COL6A3: variants seen among roughly 807,000 people sequenced by gnomAD.
COL6A3 encodes collagen type VI alpha 3 chain.
A neutral mutation model predicts 274.1 loss-of-function variants in COL6A3; 137 were observed. The ratio of observed to expected loss-of-function variants is 0.50; its 90% confidence interval spans 0.44 to 0.58. The LOEUF (loss-of-function observed/expected upper bound fraction) is 0.58, where lower values mean the gene tolerates loss of function less well. Among genes scored for constraint, COL6A3 ranks in the 20% least tolerant of loss-of-function variants. The pLI is 0.00. For synonymous variants in COL6A3, 1,650 were observed against 1,650.6 expected (o/e 1.00, Z 0.01); for missense variants, 3,950 against 4,124.9 (o/e 0.96, Z 1.16).
At chr2:237,360,214 C>T (rs368305635) in intron 16 of COL6A3, 55 bp from the exon 17 acceptor site, 10 of 1,560,408 alleles carry the variant, frequency 6.4e-6, no homozygotes, top group Non-Finnish European at 8.8e-6. Flanking sequence ...CACCCTTTCT[C>T]TGCCGGGCTT....
chr2:237,338,888 A>G (rs1700682579), intron 39 of COL6A3, 127 bp downstream of exon 39: 1 of 725,518 alleles, frequency 1.4e-6, no homozygotes, highest in Non-Finnish European at 2.4e-6. Context: ...CATGACCCAC[A>G]TTACCTTTGG....
chr2:237,359,117 C>T (rs561455193), intron 19 of COL6A3, 29 bp from the exon 20 acceptor site: 6 of 1,614,020 alleles, frequency 3.7e-6, no homozygotes, highest in African/African-American at 1.3e-5. Context: ...AAAGGTCACA[C>T]CTGCTGCAAT....
At chr2:237,388,302 C>T (rs1156527307) in intron 3 of COL6A3, 118 bp from the exon 4 acceptor site, 15 of 1,259,964 alleles carry the variant, frequency 1.2e-5, no homozygotes, top group Middle Eastern at 2.6e-4. Flanking sequence ...TATGGGCAAA[C>T]AAAACACATG....
chr2:237,362,240 C>A (rs2077453561), intron 14 of COL6A3, among the ~76,000 whole-genome samples: 1 of 152,192 alleles, frequency 6.6e-6, no homozygotes, highest in Admixed American at 6.5e-5. Flanking sequence ...GAACAGATAT[C>A]CATGACCACC....
intron 26 of COL6A3, 41 bp from the exon 27 acceptor site, chr2:237,351,233 C>T (rs375149590): frequency 2.5e-6 from 4 of 1,598,822 alleles, no homozygotes; most frequent in Non-Finnish European, 3.4e-6. Flanking sequence ...AAGTGGCCAA[C>T]CGTCCAGGCA....
chr2:237,345,148 G>A, intron 33 of COL6A3, 33 bp downstream of exon 33: 2 of 1,614,028 alleles, frequency 1.2e-6, no homozygotes, highest in Non-Finnish European at 1.7e-6. Flanking sequence ...GGCTCATGAG[G>A]TTAATGAGTC....
chr2:237,346,678 C>A (rs1005099993), intron 31 of COL6A3, 113 bp from the exon 32 acceptor site: 34 of 916,882 alleles, frequency 3.7e-5, no homozygotes, highest in Non-Finnish European at 5.2e-5. Flanking sequence ...TCCATCACCA[C>A]GAAAAATCTC....
chr2:237,355,937 A>G (rs1472912040), intron 23 of COL6A3, among the ~76,000 whole-genome samples: 1 of 152,192 alleles, frequency 6.6e-6, no homozygotes, highest in Non-Finnish European at 1.5e-5. Context: ...TCAGTGATAC[A>G]TTGCTCAGGC....
chr2:237,366,597 A>C, intron 11 of COL6A3, 90 bp downstream of exon 11: 1 of 1,597,358 alleles, frequency 6.3e-7, no homozygotes, highest in Admixed American at 1.7e-5. Flanking sequence ...ATGCCTAAGG[A>C]CTCCAGAGGT....
rs115012632 is a variant in COL6A3 at position 237,379,148 on chromosome 2, A to G, written c.1985T>C (p.Val662Ala). 3 of 1,614,276 alleles carry G rather than the reference A, an allele frequency of 1.9e-6. No homozygotes were observed. The highest frequency in any genetic ancestry group is 4.5e-5 in the East Asian group (2 of 44,894). ...ATCAAGGCTGTTAACTAGGTTCATTACAAAGTCGCGCACATAAGGGAAATT... is the reference window on the plus strand; with the variant it reads ...ATCAAGGCTGTTAACTAGGTTCATTGCAAAGTCGCGCACATAAGGGAAATT... ...KTNFPYVRDF[V>A]MNLVNSLDIG... Residue 662 changes from valine (V) to alanine (A), a missense_variant, in exon 6 of 44, where the codon GTA becomes GCA. Physicochemically the swap from Val to Ala is moderately conservative, Grantham distance 64 (BLOSUM62 0). Around this residue, in one of 5 missense-constraint regions of COL6A3, gnomAD observed 1,934 missense variants for 1,984.3 expected, o/e 0.97. Transcript: ENST00000295550.
At chr2:237,359,012 C>T (rs1464286330) in intron 20 of COL6A3, 23 bp downstream of exon 20, 9 of 1,608,748 alleles carry the variant, frequency 5.6e-6, no homozygotes, top group Non-Finnish European at 6.8e-6. Flanking sequence ...TCCATAATAG[C>T]ACCACCGTGG....
chr2:237,382,436 T>C (rs768292372), intron 4 of COL6A3, among the ~76,000 whole-genome samples: 7 of 152,060 alleles, frequency 4.6e-5, no homozygotes, highest in Non-Finnish European at 1.0e-4. Flanking sequence ...ATGACAGTGA[T>C]AACTTAAAGG....
At chr2:237,405,869 T>C (rs1245429176) in intron 1 of COL6A3, among the ~76,000 whole-genome samples, 2 of 152,078 alleles carry the variant, frequency 1.3e-5, no homozygotes, top group East Asian at 3.9e-4. Context: ...GTCGGCTGTC[T>C]ACTATCATTC....
Position 237,342,098 on chromosome 2 carries a change from G to C in COL6A3, c.7732C>G (p.Leu2578Val), listed in dbSNP as rs2076999608. Residue 2578 changes from leucine to valine, a missense_variant, in exon 37 of 44, where the codon CTG (leucine) becomes GTG (valine). Leu to Val is a conservative substitution (Grantham distance 32). Coordinates refer to ENST00000295550, the MANE Select transcript of COL6A3 (RefSeq NM_004369.4). The stretch of plus-strand genomic sequence containing the variant: ...ACATGACACGTGAGGACATTCTCCA[G>C]GAAGTCTGTGAGGTCTCTCCCTGCA... ...LPAGRDLTDF[L>V]ENVLTCHVCL... The C allele has an allele frequency of 6.2e-7, 1 of 1,614,100 alleles. No homozygotes were observed. The highest frequency in any genetic ancestry group is 8.5e-7 in the Non-Finnish European group (1 of 1,180,042).
chr2:237,376,910 C>T lies in COL6A3; in HGVS notation c.2932G>A (p.Ala978Thr), dbSNP rs768292803. 17 of 1,614,088 alleles carry T rather than the reference C, an allele frequency of 1.1e-5. No homozygotes were observed. The highest frequency in any genetic ancestry group is 3.3e-5 in the Admixed American group (2 of 59,998). ...ATCTGCTCTAACTCAGCAGGGTCTG[C>T]GTTCTTGGCTTGGAAGATGAAAGGC... Reference protein sequence around the residue: ...VVPFIFQAKNADPAELEQIVL... With the variant: ...VVPFIFQAKNTDPAELEQIVL... The change falls in exon 7 of 44, where the codon GCA (alanine) becomes ACA (threonine). Residue 978 changes from alanine to threonine, a missense_variant. Coordinates refer to ENST00000295550, the MANE Select transcript of COL6A3 (RefSeq NM_004369.4).
At chr2:237,384,470 ACT>A (rs1204645190) in intron 4 of COL6A3, among the ~76,000 whole-genome samples, 1 of 150,928 alleles carries the variant, frequency 6.6e-6, no homozygotes, top group Non-Finnish European at 1.5e-5. Context: ...CCTCCATCAG[ACT>A]CTCCTGAAAG....
At position 237,353,483 on chromosome 2, in the gene COL6A3, G is replaced by T. The variant is rs2077251087; in HGVS notation, c.6628-80C>A. ...GCTCTTTGCTCTACAGTCATTTCTG[G>T]GCCAGGGACTTGGAAAGCAACCAGG... is the stretch of plus-strand genomic sequence containing the variant. On this transcript the variant is annotated intron_variant, in intron 24 of 43. Transcript: ENST00000295550. 2.3e-6 allele frequency: 3 copies of T among 1,300,640 alleles called. No homozygotes were observed. In the Admixed American group the frequency reaches 5.2e-5, roughly 22 times the overall value. 80.6% of individuals were successfully genotyped at this position (1,300,640 alleles called of 1,614,324 possible).
intron 28 of COL6A3, among the ~76,000 whole-genome samples, chr2:237,349,415 CCT>C (rs1196433641): frequency 6.6e-6 from 1 of 152,120 alleles, no homozygotes; most frequent in Non-Finnish European, 1.5e-5. Context: ...TGATTTTTTC[CCT>C]GTGCTTCTGA....
intron 3 of COL6A3, among the ~76,000 whole-genome samples, chr2:237,391,056 G>A (rs188755739): frequency 6.6e-6 from 1 of 152,286 alleles, no homozygotes; most frequent in Non-Finnish European, 1.5e-5. Context: ...CCAGCAGACA[G>A]GTAGTAAGAA....
Sources: gnomAD v4.1 joint callset for allele counts (sites outside exome capture counted in the v4.1 genomes callset) on GRCh38, gnomAD v4.1.1 for gene constraint, gnomAD v4.1.1 regional missense constraint, MANE v1.5 for transcripts, NCBI Gene and HGNC (gene_info 2026-07-23, HGNC 2026-07-21) for gene names.